LRCH3: variants seen among roughly 807,000 people sequenced by gnomAD.
LRCH3 encodes the protein leucine rich repeats and calponin homology domain containing 3, also known as DISP complex protein LRCH3.
In LRCH3, 68 loss-of-function variants were observed where a neutral mutation model predicts 104.5. That is an observed-to-expected ratio of 0.65 (90% CI 0.54 to 0.80). The LOEUF (loss-of-function observed/expected upper bound fraction) is 0.80. LRCH3 is among the 30% of genes least tolerant of loss of function. The pLI is 0.00. For missense variants in LRCH3, 951 were observed against 953.9 expected (o/e 1.00, Z 0.04); for synonymous variants, 344 against 361.3 (o/e 0.95, Z 0.54).
Position 197,850,867 on chromosome 3 carries a change from G to GA in LRCH3, c.1531-1693dup, listed in dbSNP as rs1739495608. On this transcript the variant is annotated intron_variant, in intron 12 of 20. Transcript: ENST00000425562. ...CCCTTGGTGGCCTGAGCAGTTCCAC[G>GA]AGTGTTCTTAAAGTGAACACGAAGA... 7 of 960,300 alleles carry GA rather than the reference G, an allele frequency of 7.3e-6. No homozygotes were observed. In the South Asian group the frequency reaches 9.0e-5, roughly 12 times the overall value. 59.5% of individuals were successfully genotyped at this position (960,300 alleles called of 1,614,324 possible).
rs1714011017 is a variant in LRCH3, at chr3:197,884,159, TTTTG to T, written c.*497_*500del. On this transcript the variant is annotated 3_prime_UTR_variant, in exon 21 of 21. Transcript: ENST00000425562. ...CATTTTCAACAACCATTGCACATGT[TTTTG>T]TTTTTGTTGGAGAAGGAGTTCTGCT... 6.5e-6 allele frequency: 1 copy of T among 152,692 alleles called. No individual in the cohort carries two copies. 9.5% of individuals were successfully genotyped at this position (152,692 alleles called of 1,614,324 possible).
chr3:197,830,899 T>G, intron 7 of LRCH3, 36 bp downstream of exon 7: 2 of 1,449,622 alleles, frequency 1.4e-6, no homozygotes, highest in Non-Finnish European at 1.9e-6. Flanking sequence ...TTATAACACC[T>G]GATTAAGAGA....
chr3:197,835,615 A>G (rs1736671369), intron 8 of LRCH3, 59 bp from the exon 9 acceptor site: 6 of 1,399,244 alleles, frequency 4.3e-6, no homozygotes, highest in African/African-American at 1.5e-5. Context: ...TTGGCTATCT[A>G]ATTTGAATGT....
At chr3:197,830,589 A>G (rs1735800162) in intron 6 of LRCH3, 181 bp from the exon 7 acceptor site, 1 of 549,344 alleles carries the variant, frequency 1.8e-6, no homozygotes, top group Non-Finnish European at 3.3e-6. Context: ...ATGAGGTCTC[A>G]TGCTATTCTG....
rs1714384646 is a variant in LRCH3 at position 197,888,174 on chromosome 3, A to G, written c.*4508A>G. ...CTTAAATGGTTATAGAAATGAAAAC[A>G]TGGATATTTAGAAGCCTTTCTATAT... On this transcript the variant is annotated 3_prime_UTR_variant, in exon 21 of 21. Coordinates refer to ENST00000425562, the MANE Select transcript of LRCH3 (RefSeq NM_001365715.1). 6.6e-6 allele frequency: 1 copy of G among 152,278 alleles called. No individual in the cohort carries two copies. The highest frequency in any genetic ancestry group is 1.5e-5 in the Non-Finnish European group (1 of 68,048). The allele number at this position is 152,278 out of a possible 1,614,324, so 9.4% of individuals were successfully genotyped here. A position where few individuals can be genotyped will look rare whatever the true frequency, so the allele number is the denominator to read the frequency against.
chr3:197,798,132 G>C (rs1253100727), intron 1 of LRCH3, among the ~76,000 whole-genome samples: 1 of 152,074 alleles, frequency 6.6e-6, no homozygotes, highest in Non-Finnish European at 1.5e-5. Context: ...GTGGTGGAAT[G>C]CATCTGTAGT....
At chr3:197,837,055 T>G (rs1736916391) in intron 9 of LRCH3, among the ~76,000 whole-genome samples, 1 of 152,104 alleles carries the variant, frequency 6.6e-6, no homozygotes, top group Admixed American at 6.6e-5. Context: ...TATTTTTTGT[T>G]GGTAAAGAGA....
In LRCH3 at chr3:197,854,019, T is replaced by G. The variant is rs191679635; in HGVS notation, c.1591-373T>G. 6.6e-6 allele frequency among the ~76,000 whole-genome samples: 1 copy of G among 152,302 alleles called. No individual in the cohort carries two copies. Among genetic ancestry groups the G allele is most frequent in the Admixed American group, 6.5e-5 (1 of 15,298 alleles). On this transcript the variant is annotated intron_variant, in intron 13 of 20. Transcript: ENST00000425562. The surrounding 1 kb of genome is among the most constrained non-coding windows in gnomAD (Gnocchi z 4.5). Reference sequence around the variant, plus strand: ...TTTTCATTTTGCTTAAGAAAGAAAATGAAGAGATACTTAGACTAGAAATTA... The same window carrying G: ...TTTTCATTTTGCTTAAGAAAGAAAAGGAAGAGATACTTAGACTAGAAATTA...
chr3:197,792,613 C>CAT (rs1157560343), intron 1 of LRCH3, among the ~76,000 whole-genome samples: 759 of 48,790 alleles, frequency 0.016, 41 homozygotes, highest in African/African-American at 0.039. Flanking sequence ...ATAAAATATA[C>CAT]ATATATATAT....
At chr3:197,820,470 T>G (rs756329494) in intron 4 of LRCH3, 40 bp downstream of exon 4, 19 of 1,328,922 alleles carry the variant, frequency 1.4e-5, no homozygotes, top group Admixed American at 5.4e-5. Flanking sequence ...AATAATTGTT[T>G]TATTATTTTA....
At position 197,858,835 on chromosome 3, in the gene LRCH3, C is replaced by T. The variant is rs773238353; in HGVS notation, c.1646C>T (p.Ser549Leu). 8.1e-6 allele frequency: 13 copies of T among 1,612,922 alleles called. No individual in the cohort carries two copies. The highest frequency in any genetic ancestry group is 4.5e-5 in the East Asian group (2 of 44,866). ...QHTDDSALCM[S>L]LSGLNQVGCA... Reference sequence around the variant, plus strand: ...TTCTCTTTCTCATTTGAAATGTAGTCGCTGTCAGGGTTGAATCAAGTGGGC... The same window carrying T: ...TTCTCTTTCTCATTTGAAATGTAGTTGCTGTCAGGGTTGAATCAAGTGGGC... The change falls in exon 15 of 21, where the codon TCG becomes TTG. Residue 549 changes from serine to leucine, a missense_variant and splice_region_variant. Physicochemically the swap from Ser to Leu is moderately radical, Grantham distance 145 (BLOSUM62 -2). Coordinates refer to ENST00000425562, the MANE Select transcript of LRCH3 (RefSeq NM_001365715.1).
chr3:197,875,904 G>T, intron 20 of LRCH3, 129 bp downstream of exon 20: 2 of 579,758 alleles, frequency 3.4e-6, no homozygotes, highest in Non-Finnish European at 5.9e-6. Flanking sequence ...ATGACTTTGT[G>T]TTACAAGAGT....
chr3:197,835,208 G>C (rs1736591996), intron 8 of LRCH3, among the ~76,000 whole-genome samples: 1 of 151,748 alleles, frequency 6.6e-6, no homozygotes, highest in African/African-American at 2.4e-5. Context: ...TTTTGAGACG[G>C]AGTCTTGCTA....
chr3:197,829,802 G>C (rs1735686492), intron 6 of LRCH3, 129 bp downstream of exon 6: 1 of 654,634 alleles, frequency 1.5e-6, no homozygotes, highest in Non-Finnish European at 2.6e-6. Context: ...TTCTCAGAAT[G>C]CTTGTATTGT....
rs1288824020 is a variant in LRCH3, at chr3:197,887,761, C to T, written c.*4095C>T. On this transcript the variant is annotated 3_prime_UTR_variant, in exon 21 of 21. Transcript: ENST00000425562. ...CTGAGAGCCCCCCAGCAGAGCCCTT[C>T]CCATCACTGACAGTGTCTGGGGCTG... 5 of 146,506 alleles carry T rather than the reference C, an allele frequency of 3.4e-5. No homozygotes were observed. The highest frequency in any genetic ancestry group is 8.0e-5 in the African/African-American group (3 of 37,710). The allele number at this position is 146,506 out of a possible 1,614,324, so 9.1% of individuals were successfully genotyped here.
In LRCH3 at chr3:197,866,223, G is replaced by A. The variant is rs369495575; in HGVS notation, c.1873+4G>A. The A allele has an allele frequency of 1.2e-6, 2 of 1,609,474 alleles. No individual in the cohort carries two copies. Reference sequence around the variant, plus strand: ...GTCAGGGCAGAAACCAACAAAGGTAGGTGGTGGTGATTTTAAAAGCCAGGA... The same window carrying A: ...GTCAGGGCAGAAACCAACAAAGGTAAGTGGTGGTGATTTTAAAAGCCAGGA... On this transcript the variant is annotated splice_donor_region_variant and intron_variant, in intron 17 of 20. Transcript: ENST00000425562.
chr3:197,864,421 A>C lies in LRCH3; in HGVS notation c.1717-1002A>C, dbSNP rs1042103258. On this transcript the variant is annotated intron_variant, in intron 15 of 20. Coordinates refer to ENST00000425562, the MANE Select transcript of LRCH3 (RefSeq NM_001365715.1). The stretch of plus-strand genomic sequence containing the variant: ...TTGGGAGTTCGAGAACGGCCTGACT[A>C]ACATGGAGAAACCCCGTATCTACTA... Among the ~76,000 whole-genome samples, 5 of 150,200 alleles carry C rather than the reference A, an allele frequency of 3.3e-5. No homozygotes were observed. The South Asian group carries it at 1.0e-3, about 31-fold the overall frequency.
intron 9 of LRCH3, 33 bp downstream of exon 9, chr3:197,835,855 T>C: frequency 7.5e-6 from 12 of 1,601,846 alleles, no homozygotes; most frequent in Non-Finnish European, 1.0e-5. Context: ...AATATGTTGC[T>C]ATCCCTTCAT....
intron 8 of LRCH3, among the ~76,000 whole-genome samples, chr3:197,833,278 G>C (rs571972857): frequency 1.3e-5 from 2 of 148,166 alleles, no homozygotes; most frequent in South Asian, 4.3e-4. Flanking sequence ...CCAACACTTT[G>C]GGAGGTTGAG....
Sources: allele counts gnomAD v4.1 joint callset (sites outside exome capture counted in the v4.1 genomes callset), GRCh38; gene constraint gnomAD v4.1.1; non-coding constraint Gnocchi (gnomAD v3.1); transcripts MANE v1.5; gene names NCBI Gene and HGNC (gene_info 2026-07-23, HGNC 2026-07-21).